Variants in ST7L observed in about 807,000 individuals in gnomAD.
ST7L encodes the protein suppression of tumorigenicity 7 like.
ST7L carries 57 observed loss-of-function variants against 72.5 expected under a neutral mutation model. The observed-to-expected ratio is 0.79, with a 90% CI of 0.64 to 0.98. The LOEUF (loss-of-function observed/expected upper bound fraction) is 0.98, where lower values mean the gene tolerates loss of function less well. ST7L is among the 50% of genes least tolerant of loss of function. ST7L has a pLI of 0.00. For missense variants in ST7L, 576 were observed against 672.2 expected (o/e 0.86, Z 1.58); for synonymous variants, 221 against 240.9 (o/e 0.92, Z 0.77).
chr1:112,582,344 A>G (rs775394147), intron 8 of ST7L, 31 bp downstream of exon 8: 8 of 1,471,452 alleles, frequency 5.4e-6, no homozygotes, highest in Non-Finnish European at 5.7e-6. Flanking sequence ...TGGAGGAATA[A>G]ATGTAATAGT....
At chr1:112,598,730 A>C (rs1229480431) in intron 4 of ST7L, among the ~76,000 whole-genome samples, 2 of 151,904 alleles carry the variant, frequency 1.3e-5, no homozygotes, top group Non-Finnish European at 2.9e-5. Flanking sequence ...ATAATCATTC[A>C]AAAGAAGCAT....
At chr1:112,537,328 C>G (rs1655385190) in intron 14 of ST7L, among the ~76,000 whole-genome samples, 1 of 152,124 alleles carries the variant, frequency 6.6e-6, no homozygotes, top group Non-Finnish European at 1.5e-5. Flanking sequence ...TTTAAACACA[C>G]TTCTGAATTC....
intron 2 of ST7L, among the ~76,000 whole-genome samples, chr1:112,614,627 C>A (rs1017707964): frequency 6.6e-6 from 1 of 152,010 alleles, no homozygotes; most frequent in African/African-American, 2.4e-5. Flanking sequence ...ATTTCTACTA[C>A]AGCTGGAGAG....
chr1:112,619,137 G>C lies in ST7L; in HGVS notation c.-24C>G. On this transcript the variant is annotated 5_prime_UTR_variant, in exon 1 of 15. Transcript: ENST00000358039. ...ATCTTGCCGCTATCGCAGGCGCCAGGAGCTGGGAGGGGAGAAGGACAGGAA... is the reference window on the plus strand; with the variant it reads ...ATCTTGCCGCTATCGCAGGCGCCAGCAGCTGGGAGGGGAGAAGGACAGGAA... 4 of 1,609,820 alleles carry C rather than the reference G, an allele frequency of 2.5e-6. No homozygotes were observed. The highest frequency in any genetic ancestry group is 3.4e-6 in the Non-Finnish European group (4 of 1,178,002).
upstream of ST7L, chr1:112,619,244 G>T: frequency 1.2e-6 from 1 of 812,502 alleles, no homozygotes; most frequent in Non-Finnish European, 1.9e-6. Flanking sequence ...CCGGGACCGA[G>T]AAGATTTCGA....
At chr1:112,586,509 T>G (rs1664888250) in intron 6 of ST7L, among the ~76,000 whole-genome samples, 1 of 152,122 alleles carries the variant, frequency 6.6e-6, no homozygotes, top group South Asian at 2.1e-4. Context: ...CTGAAATATT[T>G]TAAAATAACC....
chr1:112,582,333 C>A, intron 8 of ST7L, 42 bp downstream of exon 8: 1 of 1,422,266 alleles, frequency 7.0e-7, no homozygotes, highest in Non-Finnish European at 9.8e-7. Flanking sequence ...TTTTTAGTTT[C>A]TGGAGGAATA....
At chr1:112,596,990 T>C (rs1666579113) in intron 5 of ST7L, among the ~76,000 whole-genome samples, 1 of 152,174 alleles carries the variant, frequency 6.6e-6, no homozygotes, top group South Asian at 2.1e-4. Flanking sequence ...TGCCAGGCAA[T>C]GTGCTGGATA....
At chr1:112,560,078 T>A (rs1001064658) in intron 11 of ST7L, among the ~76,000 whole-genome samples, 2 of 152,116 alleles carry the variant, frequency 1.3e-5, no homozygotes, top group African/African-American at 4.8e-5. Context: ...GCAAATATCC[T>A]TTCCAATTTG....
chr1:112,559,989 A>T (rs1370178888), intron 11 of ST7L, among the ~76,000 whole-genome samples: 1 of 152,112 alleles, frequency 6.6e-6, no homozygotes, highest in East Asian at 1.9e-4. Context: ...AAAAGAAAAA[A>T]AAATCTTCCT....
chr1:112,552,567 G>T (rs531263137), intron 12 of ST7L, among the ~76,000 whole-genome samples: 1 of 152,198 alleles, frequency 6.6e-6, no homozygotes, highest in South Asian at 2.1e-4. Flanking sequence ...ACTATGCCCG[G>T]CTAATTTTGT....
Position 112,537,510 on chromosome 1 carries a change from T to C in ST7L, c.1629+4441A>G, listed in dbSNP as rs369908014. Among the ~76,000 whole-genome samples, 8 of 152,190 alleles carry C rather than the reference T, an allele frequency of 5.3e-5. No individual in the cohort carries two copies. The East Asian group carries it at 1.3e-3, about 26-fold the overall frequency. ...GGGCCAGAGTAGAAGATTGGTTCTC[T>C]AAGGAGAGGGCAGTGCTGTTGTTAA... On this transcript the variant is annotated intron_variant, in intron 14 of 14. Transcript: ENST00000358039.
chr1:112,600,080 G>A (rs1462087163), intron 4 of ST7L, among the ~76,000 whole-genome samples: 4 of 151,988 alleles, frequency 2.6e-5, no homozygotes, highest in South Asian at 2.1e-4. Context: ...TGCTCTTGTC[G>A]CCTGGGCTGG....
At chr1:112,612,260 G>C (rs1443601670) in intron 2 of ST7L, among the ~76,000 whole-genome samples, 1 of 151,978 alleles carries the variant, frequency 6.6e-6, no homozygotes, top group Non-Finnish European at 1.5e-5. Context: ...ACCATGCCCA[G>C]CTAATTTTTA....
Position 112,574,002 on chromosome 1 carries a change from T to C in ST7L, c.1245+2984A>G, listed in dbSNP as rs116185960. ...CGATCTCGGCTCACTGCAACCTTCA[T>C]CTCTAGGACTCAAGTGATTCTCCTG... On this transcript the variant is annotated intron_variant, in intron 11 of 14. Transcript: ENST00000358039. 1.5e-3 allele frequency among the ~76,000 whole-genome samples: 203 copies of C among 137,590 alleles called. 1 individual carries two copies. The highest frequency in any genetic ancestry group is 5.0e-3 in the African/African-American group (189 of 37,436). 90.3% of individuals were successfully genotyped at this position (137,590 alleles called of 152,430 possible). A position where few individuals can be genotyped will look rare whatever the true frequency, so the allele number is the denominator to read the frequency against.
downstream of ST7L, chr1:112,523,034 T>C (rs1652964319): frequency 6.6e-6 from 1 of 152,258 alleles, no homozygotes; most frequent in Admixed American, 6.5e-5. Flanking sequence ...TATGCCAGGC[T>C]GCTGGGGAAA....
chr1:112,555,778 G>T, intron 12 of ST7L, 90 bp downstream of exon 12: 1 of 1,250,836 alleles, frequency 8.0e-7, no homozygotes. Context: ...AATCCTTATG[G>T]AAACCCAGAC....
chr1:112,617,856 T>C (rs1410688387), intron 1 of ST7L: 2 of 450,128 alleles, frequency 4.4e-6, no homozygotes, highest in East Asian at 7.3e-5. Flanking sequence ...TCAGTAACAC[T>C]GTGCATAGAA....
In ST7L at chr1:112,525,093, GGTTCATGCCAGAGATA is replaced by G. The variant is rs1216639819; in HGVS notation, c.*904_*919del. ...TGAGACTGTATAAGTTCGCAAGGCT[GGTTCATGCCAGAGATA>G]GTGAGATGTGCACCCTATGTGCTGA... is the stretch of plus-strand genomic sequence containing the variant. On this transcript the variant is annotated 3_prime_UTR_variant, in exon 15 of 15. Transcript: ENST00000358039. 1 of 152,228 alleles carries G rather than the reference GGTTCATGCCAGAGATA, an allele frequency of 6.6e-6. No individual in the cohort carries two copies. Among genetic ancestry groups the G allele is most frequent in the African/African-American group, 2.4e-5 (1 of 41,438 alleles). 9.4% of individuals were successfully genotyped at this position (152,228 alleles called of 1,614,324 possible).
Sources: allele counts gnomAD v4.1 joint callset (sites outside exome capture counted in the v4.1 genomes callset), GRCh38; gene constraint gnomAD v4.1.1; transcripts MANE v1.5; gene names NCBI Gene and HGNC (gene_info 2026-07-23, HGNC 2026-07-21).